PARVB: variants seen among roughly 807,000 people sequenced by gnomAD.
PARVB encodes beta-parvin.
In PARVB, 46 loss-of-function variants were observed where a neutral mutation model predicts 47.0. The observed-to-expected ratio is 0.98, with a 90% CI of 0.77 to 1.25. The LOEUF (loss-of-function observed/expected upper bound fraction) is 1.25, where lower values mean the gene tolerates loss of function less well. Among genes scored for constraint, PARVB ranks in the 50% most tolerant of loss-of-function variants. The pLI, the probability that PARVB is intolerant of heterozygous loss-of-function variation, is 0.00. For synonymous variants in PARVB, 196 were observed against 196.3 expected (o/e 1.00, Z 0.01); for missense variants, 473 against 471.6 (o/e 1.00, Z -0.03).
chr22:44,065,943 G>A (rs1569087399), intron 1 of PARVB, among the ~76,000 whole-genome samples: 1 of 151,922 alleles, frequency 6.6e-6, no homozygotes, highest in Non-Finnish European at 1.5e-5. Flanking sequence ...CCATATATTT[G>A]CAATTGTGAA....
intron 1 of PARVB, among the ~76,000 whole-genome samples, chr22:44,081,168 G>T (rs926574582): frequency 1.3e-5 from 2 of 152,186 alleles, no homozygotes; most frequent in African/African-American, 4.8e-5. Flanking sequence ...GTCTGTGCCC[G>T]GTGGGGCCCA....
chr22:44,011,814 C>G (rs750654812), intron 2 of PARVB, among the ~76,000 whole-genome samples: 2 of 152,108 alleles, frequency 1.3e-5, no homozygotes, highest in Non-Finnish European at 2.9e-5. Context: ...AAGCCCTACA[C>G]TTCAGTTCTC....
intron 1 of PARVB, among the ~76,000 whole-genome samples, chr22:44,087,461 G>A (rs956416981): frequency 2.0e-5 from 3 of 152,218 alleles, no homozygotes; most frequent in Non-Finnish European, 4.4e-5. Context: ...TTGGGCCCGT[G>A]ATTGCAGGGG....
intron 1 of PARVB, among the ~76,000 whole-genome samples, chr22:44,029,136 C>G (rs1330834592): frequency 6.6e-6 from 1 of 152,098 alleles, no homozygotes; most frequent in Non-Finnish European, 1.5e-5. Context: ...AGGCACATAC[C>G]ACCATGCCCA....
At chr22:44,047,119 G>A (rs140385317) in intron 1 of PARVB, among the ~76,000 whole-genome samples, 5 of 152,252 alleles carry the variant, frequency 3.3e-5, no homozygotes, top group South Asian at 2.1e-4. Flanking sequence ...AGTCTATTTC[G>A]TGTTGCTATA....
chr22:44,096,543 ACTC>A (rs1845966337), intron 2 of PARVB, among the ~76,000 whole-genome samples: 1 of 151,840 alleles, frequency 6.6e-6, no homozygotes, highest in African/African-American at 2.4e-5. Context: ...GAATGCTTCT[ACTC>A]CTCAGTCCCT....
intron 2 of PARVB, among the ~76,000 whole-genome samples, chr22:43,999,834 GAAAAAAAAAAAAA>G (rs113458130): frequency 6.6e-4 from 46 of 69,378 alleles, no homozygotes; most frequent in African/African-American, 2.2e-3. Context: ...CCATCTATAT[GAAAAAAAAAAAAA>G]AAAAAAAAAA....
intron 4 of PARVB, among the ~76,000 whole-genome samples, chr22:44,131,056 CCTCCCTCCCT>C: frequency 7.4e-6 from 1 of 134,708 alleles, no homozygotes; most frequent in African/African-American, 2.7e-5. Context: ...TCCCTCCCTC[CCTCCCTCCCT>C]CTCTCTCTCT....
chr22:43,999,506 A>G, intron 1 of PARVB: 1 of 1,567,666 alleles, frequency 6.4e-7, no homozygotes, highest in East Asian at 2.2e-5. Context: ...GGATCCGACA[A>G]ACAAAAAATG....
chr22:44,151,621 G>T, intron 10 of PARVB, 70 bp downstream of exon 10: 1 of 1,237,832 alleles, frequency 8.1e-7, no homozygotes, highest in Non-Finnish European at 1.2e-6. Flanking sequence ...GATCCCAGGT[G>T]GGGCGCGTGA....
chr22:44,099,557 T>C (rs2052392225), intron 2 of PARVB, among the ~76,000 whole-genome samples: 1 of 152,204 alleles, frequency 6.6e-6, no homozygotes, highest in Non-Finnish European at 1.5e-5. Context: ...TTTCTCAATA[T>C]TTTTTCTGCA....
chr22:44,091,776 G>A (rs548331578), intron 1 of PARVB, among the ~76,000 whole-genome samples: 3 of 152,122 alleles, frequency 2.0e-5, no homozygotes, highest in Non-Finnish European at 4.4e-5. Flanking sequence ...AGGTTCCCTC[G>A]AATCAAAGAA....
chr22:44,067,392 T>C (rs1246436030), intron 1 of PARVB, among the ~76,000 whole-genome samples: 1 of 152,268 alleles, frequency 6.6e-6, no homozygotes. Flanking sequence ...CACATTTCCT[T>C]TCCTGACTGA....
chr22:44,022,587 G>A (rs2146872541), upstream of PARVB, among the ~76,000 whole-genome samples: 1 of 152,112 alleles, frequency 6.6e-6, no homozygotes, highest in South Asian at 2.1e-4. Context: ...TGGGGGGACT[G>A]GGGGGCAGCC....
upstream of PARVB, among the ~76,000 whole-genome samples, chr22:44,021,786 CA>C (rs2050652691): frequency 7.2e-6 from 1 of 138,026 alleles, no homozygotes; most frequent in African/African-American, 2.7e-5. Context: ...CACACACACA[CA>C]CACACACACA....
At chr22:44,079,243 C>A (rs1305154652) in intron 1 of PARVB, among the ~76,000 whole-genome samples, 1 of 152,162 alleles carries the variant, frequency 6.6e-6, no homozygotes, top group Non-Finnish European at 1.5e-5. Context: ...CTGATATTCA[C>A]CGTTTTTAGT....
intron 3 of PARVB, among the ~76,000 whole-genome samples, chr22:44,101,322 TG>T (rs1314223196): frequency 6.6e-6 from 1 of 150,890 alleles, no homozygotes; most frequent in African/African-American, 2.5e-5. Context: ...GGCAGGAGAA[TG>T]GCATGAACCC....
At chr22:44,051,886 A>G (rs1569077488) in intron 1 of PARVB, among the ~76,000 whole-genome samples, 1 of 152,164 alleles carries the variant, frequency 6.6e-6, no homozygotes, top group Non-Finnish European at 1.5e-5. Context: ...ACACAGACAG[A>G]CACGGGACAC....
intron 2 of PARVB, among the ~76,000 whole-genome samples, chr22:44,099,291 C>T (rs1362854408): frequency 2.0e-5 from 3 of 152,202 alleles, no homozygotes; most frequent in Non-Finnish European, 4.4e-5. Context: ...TCGGCGCCCG[C>T]TGGCTTCTGT....
Sources: gnomAD v4.1 joint callset for allele counts (sites outside exome capture counted in the v4.1 genomes callset) on GRCh38, gnomAD v4.1.1 for gene constraint, MANE v1.5 for transcripts, NCBI Gene and HGNC (gene_info 2026-07-23, HGNC 2026-07-21) for gene names.